The following BRF1 variants were observed in gnomAD, a reference collection of about 807,000 sequenced individuals.
The protein encoded by BRF1 is BRF1 general transcription factor IIIB subunit.
A neutral mutation model predicts 81.7 loss-of-function variants in BRF1; 59 were observed. The observed-to-expected ratio is 0.72, with a 90% confidence interval of 0.59 to 0.90. The LOEUF is 0.90. Ranked by LOEUF, BRF1 falls within the 40% of genes least tolerant of loss-of-function variation. BRF1 has a pLI of 0.00. For synonymous variants in BRF1, 491 were observed against 395.6 expected, an observed-to-expected ratio of 1.24 and a Z score of -2.86; for missense variants, 1,050 against 936.3, an observed-to-expected ratio of 1.12 and a Z score of -1.58.
intron 11 of BRF1, among the ~76,000 whole-genome samples, chr14:105,220,563 A>G (rs1892120320): frequency 6.6e-6 from 1 of 152,110 alleles, no homozygotes; most frequent in African/African-American, 2.4e-5. Flanking sequence ...GATAGAAATG[A>G]GGGAATAGAA....
In BRF1 at chr14:105,209,384, C is replaced by G. The variant is rs1246961748; in HGVS notation, c.*1167G>C. On this transcript the variant is annotated 3_prime_UTR_variant, in exon 18 of 18. Transcript: ENST00000547530. ...CAGGACCCAGGCTGGCTACTGAGCTCTGGGCGGGGGTAGGGGGGTCTGGCC... is the reference window on the plus strand; with the variant it reads ...CAGGACCCAGGCTGGCTACTGAGCTGTGGGCGGGGGTAGGGGGGTCTGGCC... The G allele has an allele frequency of 1.6e-6, 1 of 620,898 alleles. No homozygotes were observed. Among genetic ancestry groups the G allele is most frequent in the Non-Finnish European group, 2.9e-6 (1 of 342,404 alleles). The allele number at this position is 620,898 out of a possible 1,614,324, so 38.5% of individuals were successfully genotyped here.
At chr14:105,228,752 C>A in intron 7 of BRF1, 68 bp downstream of exon 7, 1 of 1,558,572 alleles carries the variant, frequency 6.4e-7, no homozygotes, top group Non-Finnish European at 8.8e-7. Flanking sequence ...CCTGCTCTGG[C>A]AAGCAGGCCT....
At chr14:105,297,325 T>C (rs991712348) in intron 1 of BRF1, among the ~76,000 whole-genome samples, 1 of 151,342 alleles carries the variant, frequency 6.6e-6, no homozygotes, top group Non-Finnish European at 1.5e-5. Context: ...TCCCAGCACT[T>C]TGGGAGGCCG....
At chr14:105,275,335 GCT>G (rs1169782962) in intron 2 of BRF1, among the ~76,000 whole-genome samples, 3 of 152,220 alleles carry the variant, frequency 2.0e-5, no homozygotes, top group Non-Finnish European at 4.4e-5. Context: ...AGCTCATACA[GCT>G]CTGAGGCCTG....
chr14:105,269,778 G>A lies in BRF1; in HGVS notation c.439+2943C>T, dbSNP rs897222142. ...TCCCCCCCACAGGAGGCCCAGTGAG[G>A]CAGCAGCATGGACGTGGTTCCACCC... is the stretch of plus-strand genomic sequence containing the variant. On this transcript the variant is annotated intron_variant, in intron 3 of 17. Transcript: ENST00000547530. This position sits in a 1 kb window ranked among gnomAD's most constrained non-coding sequence, Gnocchi z 5.0. Among the ~76,000 whole-genome samples the A allele has an allele frequency of 1.3e-5, 2 of 152,190 alleles. No individual in the cohort carries two copies. The highest frequency in any genetic ancestry group is 4.8e-5 in the African/African-American group (2 of 41,440).
intron 2 of BRF1, among the ~76,000 whole-genome samples, chr14:105,275,657 T>G (rs2056851505): frequency 6.6e-6 from 1 of 152,240 alleles, no homozygotes; most frequent in African/African-American, 2.4e-5. Flanking sequence ...CACTTGAGGC[T>G]GGGACTCGAT....
At chr14:105,223,959 C>T (rs1461444804) in intron 10 of BRF1, among the ~76,000 whole-genome samples, 3 of 152,186 alleles carry the variant, frequency 2.0e-5, no homozygotes, top group Admixed American at 6.5e-5. Context: ...CCAATAATGC[C>T]GCACCCAATA....
At chr14:105,314,450 G>C (rs922736517) in intron 1 of BRF1, 4 of 148,764 alleles carry the variant, frequency 2.7e-5, no homozygotes, top group African/African-American at 9.9e-5. Context: ...CCTTGCCCGC[G>C]GCTCCCGGGG....
chr14:105,245,360 C>CAA (rs201030842), intron 5 of BRF1, among the ~76,000 whole-genome samples: 1 of 149,156 alleles, frequency 6.7e-6, no homozygotes, highest in South Asian at 2.1e-4. Flanking sequence ...GACTCCATCT[C>CAA]AAAAAAAATA....
At chr14:105,216,033 GCA>G (rs35541396) in intron 15 of BRF1, among the ~76,000 whole-genome samples, 17 of 126,534 alleles carry the variant, frequency 1.3e-4, no homozygotes, top group South Asian at 2.7e-4. Context: ...ACAGACACAG[GCA>G]CACACACTGC....
chr14:105,278,026 T>C (rs2056916206), intron 2 of BRF1, among the ~76,000 whole-genome samples: 1 of 152,204 alleles, frequency 6.6e-6, no homozygotes, highest in African/African-American at 2.4e-5. Flanking sequence ...AGTGCTGGGA[T>C]ACAAGCATGA....
At chr14:105,314,490 G>C (rs1465805082) in intron 1 of BRF1, 1 of 148,376 alleles carries the variant, frequency 6.7e-6, no homozygotes, top group Non-Finnish European at 1.5e-5. Context: ...GGCGGGGTCT[G>C]TGCGCAGGCG....
chr14:105,219,230 G>A lies in BRF1; in HGVS notation c.1380C>T (p.Tyr460=), dbSNP rs587647911. The stretch of plus-strand genomic sequence containing the variant: ...CGCGGGCTTCCGACTCATTCAGGAT[G>A]TACTGGGCGAGCACAGGGAAGTGGG... ...SGIDDLEIDR[Y]ILNESEARVK... Residue 460 remains tyrosine (Y), a splice_region_variant and synonymous_variant, in exon 13 of 18, where the codon TAC becomes TAT. Transcript: ENST00000547530. The A allele has an allele frequency of 9.9e-6, 16 of 1,611,616 alleles. No individual in the cohort carries two copies. The highest frequency in any genetic ancestry group is 8.3e-5 in the Admixed American group (5 of 60,000).
intron 10 of BRF1, 60 bp downstream of exon 10, chr14:105,226,009 T>C: frequency 6.8e-7 from 1 of 1,468,046 alleles, no homozygotes; most frequent in Non-Finnish European, 9.4e-7. Flanking sequence ...CCTGAAGAGA[T>C]CTGCTGAGAC....
Position 105,271,455 on chromosome 14 carries a change from C to T in BRF1, c.439+1266G>A, listed in dbSNP as rs752451976. Among the ~76,000 whole-genome samples, 1 of 152,210 alleles carries T rather than the reference C, an allele frequency of 6.6e-6. No individual in the cohort carries two copies. The highest frequency in any genetic ancestry group is 6.5e-5 in the Admixed American group (1 of 15,290). ...GCAGGCTGGGAGGCAGACATGTGGCCGGGCACGCCACGCCCACCAGACACA... is the reference window on the plus strand; with the variant it reads ...GCAGGCTGGGAGGCAGACATGTGGCTGGGCACGCCACGCCCACCAGACACA... On this transcript the variant is annotated intron_variant, in intron 3 of 17. Coordinates refer to ENST00000547530, the MANE Select transcript of BRF1 (RefSeq NM_001519.4). The surrounding 1 kb of genome is among the most constrained non-coding windows in gnomAD (Gnocchi z 5.5).
At chr14:105,244,927 A>G (rs2054979048) in intron 5 of BRF1, among the ~76,000 whole-genome samples, 1 of 151,924 alleles carries the variant, frequency 6.6e-6, no homozygotes, top group Non-Finnish European at 1.5e-5. Flanking sequence ...CACATAGGAC[A>G]TGCCATTTGA....
At chr14:105,298,300 T>C (rs587741605) in intron 1 of BRF1, among the ~76,000 whole-genome samples, 22 of 152,316 alleles carry the variant, frequency 1.4e-4, no homozygotes, top group South Asian at 4.1e-4. Flanking sequence ...GAACAAAGGT[T>C]GAGGGACTCA....
chr14:105,301,564 G>T (rs996501980), upstream of BRF1, among the ~76,000 whole-genome samples: 2 of 151,890 alleles, frequency 1.3e-5, no homozygotes, highest in African/African-American at 4.8e-5. Context: ...GGAGACACCC[G>T]CCAGGGGCCA....
intron 14 of BRF1, 131 bp from the exon 15 acceptor site, chr14:105,217,931 C>T (rs1891604268): frequency 1.4e-6 from 2 of 1,392,694 alleles, no homozygotes. Flanking sequence ...CCGCTCCTGC[C>T]TCCTCCCCCC....
Sources: gnomAD v4.1 joint callset for allele counts (sites outside exome capture counted in the v4.1 genomes callset) on GRCh38, gnomAD v4.1.1 for gene constraint, Gnocchi (gnomAD v3.1) non-coding constraint, MANE v1.5 for transcripts, NCBI Gene and HGNC (gene_info 2026-07-23, HGNC 2026-07-21) for gene names.